The following ADAMTSL3 variants were observed in gnomAD, a reference collection of about 807,000 sequenced individuals.
ADAMTSL3 encodes the protein ADAMTS-like protein 3.
A neutral mutation model predicts 201.7 loss-of-function variants in ADAMTSL3; 128 were observed. The observed-to-expected ratio is 0.63, with a 90% CI of 0.55 to 0.73. ADAMTSL3 has a LOEUF of 0.73. Ranked by LOEUF, ADAMTSL3 falls within the 30% of genes least tolerant of loss-of-function variation. The pLI is 0.00. For missense variants in ADAMTSL3, 1,990 were observed against 2,119.6 expected (o/e 0.94, Z 1.20); for synonymous variants, 738 against 748.4 (o/e 0.99, Z 0.23).
chr15:83,942,533 C>A, intron 17 of ADAMTSL3, 63 bp from the exon 18 acceptor site: 1 of 1,503,216 alleles, frequency 6.7e-7, no homozygotes, highest in South Asian at 1.2e-5. Flanking sequence ...GTTGTTCATG[C>A]TCTGATGGTT....
chr15:83,751,725 G>A (rs1380266823), intron 3 of ADAMTSL3, among the ~76,000 whole-genome samples: 2 of 152,150 alleles, frequency 1.3e-5, no homozygotes, highest in Non-Finnish European at 2.9e-5. Context: ...CTGCAGAGGT[G>A]ACATCCTCTT....
At chr15:83,910,519 T>C (rs1285064467) in intron 15 of ADAMTSL3, among the ~76,000 whole-genome samples, 1 of 150,812 alleles carries the variant, frequency 6.6e-6, no homozygotes, top group Non-Finnish European at 1.5e-5. Flanking sequence ...AGAACTAACA[T>C]TTACTTTTTA....
At chr15:84,012,576 C>T (rs979548713) in intron 23 of ADAMTSL3, among the ~76,000 whole-genome samples, 12 of 152,186 alleles carry the variant, frequency 7.9e-5, no homozygotes, top group African/African-American at 2.9e-4. Flanking sequence ...TCCTTCTCTT[C>T]TGATTTTAGG....
chr15:83,773,720 A>G (rs1398680478), intron 4 of ADAMTSL3, 70 bp downstream of exon 4: 5 of 1,519,528 alleles, frequency 3.3e-6, no homozygotes, highest in Non-Finnish European at 3.5e-6. Context: ...GAGAGGAGAG[A>G]TAACTTTATA....
chr15:83,716,707 T>C (rs1408750682), intron 3 of ADAMTSL3, among the ~76,000 whole-genome samples: 4 of 152,092 alleles, frequency 2.6e-5, no homozygotes, highest in African/African-American at 4.8e-5. Flanking sequence ...CTTTTCCAAA[T>C]ACTGTTAGTC....
chr15:83,903,288 T>C (rs1287726123), intron 15 of ADAMTSL3, among the ~76,000 whole-genome samples: 1 of 142,594 alleles, frequency 7.0e-6, no homozygotes, highest in Admixed American at 7.6e-5. Flanking sequence ...ACACAAAACT[T>C]ACCATTTTAA....
chr15:83,908,217 A>T (rs1470415272), intron 15 of ADAMTSL3, among the ~76,000 whole-genome samples: 1 of 152,228 alleles, frequency 6.6e-6, no homozygotes, highest in Non-Finnish European at 1.5e-5. Context: ...GAGGCCGTGT[A>T]CAATAATGCT....
At chr15:83,752,095 AAAC>A (rs1329734144) in intron 3 of ADAMTSL3, among the ~76,000 whole-genome samples, 3 of 152,240 alleles carry the variant, frequency 2.0e-5, no homozygotes, top group Admixed American at 2.0e-4. Flanking sequence ...AGTGTTATGA[AAAC>A]AACAAAATGA....
At chr15:83,728,291 CT>C (rs530585941) in intron 3 of ADAMTSL3, among the ~76,000 whole-genome samples, 17 of 146,044 alleles carry the variant, frequency 1.2e-4, no homozygotes, top group East Asian at 2.0e-4. Context: ...ATCATTGAGT[CT>C]TTTTTTTTTA....
intron 15 of ADAMTSL3, among the ~76,000 whole-genome samples, chr15:83,908,100 G>C (rs1200489420): frequency 6.6e-6 from 1 of 152,122 alleles, no homozygotes; most frequent in Non-Finnish European, 1.5e-5. Context: ...TCTTATTCTG[G>C]AATTAGAAAA....
intron 8 of ADAMTSL3, chr15:83,862,655 C>A (rs1484697944): frequency 6.6e-6 from 1 of 152,200 alleles, no homozygotes; most frequent in East Asian, 1.9e-4. Flanking sequence ...GTACCAGCCA[C>A]TGCAAAAACA....
intron 3 of ADAMTSL3, among the ~76,000 whole-genome samples, chr15:83,716,058 A>G (rs1359475432): frequency 6.6e-6 from 1 of 152,148 alleles, no homozygotes. Context: ...TGGATGTCTT[A>G]TCCTGTTGGA....
chr15:83,715,170 T>C (rs1420528550), intron 3 of ADAMTSL3, among the ~76,000 whole-genome samples: 1 of 152,086 alleles, frequency 6.6e-6, no homozygotes, highest in African/African-American at 2.4e-5. Flanking sequence ...GAAAACACAA[T>C]GCAGGATGTG....
intron 15 of ADAMTSL3, among the ~76,000 whole-genome samples, chr15:83,907,473 A>G (rs1361441584): frequency 6.6e-6 from 1 of 152,170 alleles, no homozygotes; most frequent in Non-Finnish European, 1.5e-5. Flanking sequence ...ATGTGATCTC[A>G]GCTCACTTCA....
intron 8 of ADAMTSL3, among the ~76,000 whole-genome samples, chr15:83,867,290 C>G (rs1292240034): frequency 6.6e-6 from 1 of 152,178 alleles, no homozygotes; most frequent in Non-Finnish European, 1.5e-5. Context: ...TACATACTGC[C>G]TAGAGGTGTT....
chr15:83,961,358 G>A (rs576129029), intron 19 of ADAMTSL3, among the ~76,000 whole-genome samples: 6 of 152,262 alleles, frequency 3.9e-5, no homozygotes, highest in South Asian at 2.1e-4. Context: ...AACACAATTG[G>A]TATTTGTTGA....
rs781055500 is a variant in ADAMTSL3 at position 84,016,443 on chromosome 15, A to G, written c.4217A>G (p.Gln1406Arg). 3 of 1,614,064 alleles carry G rather than the reference A, an allele frequency of 1.9e-6. No individual in the cohort carries two copies. The highest frequency in any genetic ancestry group is 4.5e-5 in the East Asian group (2 of 44,868). Residue 1406 changes from glutamine (Q) to arginine (R), a missense_variant, in exon 25 of 30, where the codon CAG becomes CGG. Physicochemically the swap from Gln to Arg is conservative, Grantham distance 43 (BLOSUM62 1). Coordinates refer to ENST00000286744, the MANE Select transcript of ADAMTSL3 (RefSeq NM_207517.3). ...CAAGGACATAAAAAGTACATTCTCC[A>G]GGCAACCAACACTAGAACCAACAGC... Reference protein sequence around the residue: ...FLQGHKKYILQATNTRTNSND... With the variant: ...FLQGHKKYILRATNTRTNSND...
At chr15:83,724,773 A>G (rs2062149420) in intron 3 of ADAMTSL3, among the ~76,000 whole-genome samples, 1 of 152,016 alleles carries the variant, frequency 6.6e-6, no homozygotes, top group Non-Finnish European at 1.5e-5. Flanking sequence ...AATTTTTTTT[A>G]GCTTCCACAA....
chr15:83,983,807 G>C (rs976403167), intron 21 of ADAMTSL3, among the ~76,000 whole-genome samples: 1 of 152,130 alleles, frequency 6.6e-6, no homozygotes, highest in Non-Finnish European at 1.5e-5. Flanking sequence ...TAACCTTTCT[G>C]ATGAGGTAAT....
Sources: allele counts gnomAD v4.1 joint callset (sites outside exome capture counted in the v4.1 genomes callset), GRCh38; gene constraint gnomAD v4.1.1; transcripts MANE v1.5; gene names NCBI Gene and HGNC (gene_info 2026-07-23, HGNC 2026-07-21).